The following CNTN4 variants were observed in gnomAD, a reference collection of about 807,000 sequenced individuals.
The protein encoded by CNTN4 is contactin-4.
CNTN4 carries 77 observed loss-of-function variants against 122.5 expected under a neutral mutation model. That is an observed-to-expected ratio of 0.63 (90% CI 0.52 to 0.76). The LOEUF (loss-of-function observed/expected upper bound fraction) is 0.76, where lower values mean the gene tolerates loss of function less well. Ranked by LOEUF, CNTN4 falls within the 30% of genes least tolerant of loss-of-function variation. CNTN4 has a pLI of 0.00. For missense variants in CNTN4, 1,256 were observed against 1,259.1 expected (o/e 1.00, Z 0.04); for synonymous variants, 512 against 447.0 (o/e 1.15, Z -1.83).
At chr3:2,911,213 G>T (rs1559652577) in intron 12 of CNTN4, among the ~76,000 whole-genome samples, 2 of 152,086 alleles carry the variant, frequency 1.3e-5, no homozygotes, top group Admixed American at 6.6e-5. Context: ...TATCAACATG[G>T]CTTGGTCTGG....
chr3:2,262,326 A>G (rs1279824844), intron 2 of CNTN4: 4 of 151,656 alleles, frequency 2.6e-5, no homozygotes, highest in African/African-American at 7.3e-5. Context: ...ATTTTTTTTC[A>G]TATTCTTTCT....
At chr3:2,307,434 CA>C (rs61558669) in intron 2 of CNTN4, among the ~76,000 whole-genome samples, 1,480 of 124,484 alleles carry the variant, frequency 0.012, 7 homozygotes, top group Middle Eastern at 0.029. Context: ...GACTCCATCT[CA>C]AAAAAAAAAA....
intron 14 of CNTN4, among the ~76,000 whole-genome samples, chr3:3,001,391 T>C (rs1696028672): frequency 6.6e-6 from 1 of 150,588 alleles, no homozygotes; most frequent in African/African-American, 2.5e-5. Flanking sequence ...GGATAAGGAG[T>C]GAGTAAGAGG....
At chr3:2,294,414 C>T (rs981632691) in intron 2 of CNTN4, among the ~76,000 whole-genome samples, 10 of 151,626 alleles carry the variant, frequency 6.6e-5, no homozygotes, top group Non-Finnish European at 8.8e-5. Context: ...GTGGATCACT[C>T]GAGCTGTGAA....
At chr3:2,449,635 T>G (rs1428976953) in intron 3 of CNTN4, among the ~76,000 whole-genome samples, 1 of 138,846 alleles carries the variant, frequency 7.2e-6, no homozygotes, top group Non-Finnish European at 1.6e-5. Flanking sequence ...AAAAAAAAAA[T>G]GCAGACTGCT....
intron 4 of CNTN4, among the ~76,000 whole-genome samples, chr3:2,687,994 A>G (rs1005808589): frequency 1.3e-5 from 2 of 152,190 alleles, no homozygotes; most frequent in African/African-American, 2.4e-5. Flanking sequence ...AGCTATTAAC[A>G]TAGGTACTGA....
chr3:2,851,331 C>G (rs562541470), intron 7 of CNTN4, among the ~76,000 whole-genome samples: 1 of 152,226 alleles, frequency 6.6e-6, no homozygotes, highest in Admixed American at 6.5e-5. Flanking sequence ...TCTCCAGGCA[C>G]TCTCCTCTCC....
intron 4 of CNTN4, among the ~76,000 whole-genome samples, chr3:2,654,445 A>G (rs1054769296): frequency 2.0e-5 from 3 of 152,206 alleles, no homozygotes; most frequent in African/African-American, 7.2e-5. Flanking sequence ...GAGTTTAATT[A>G]TGTGCTTTGT....
At position 2,841,993 on chromosome 3, in the gene CNTN4, C is replaced by A. The variant is rs903842060; in HGVS notation, c.454+22412C>A. On this transcript the variant is annotated intron_variant, in intron 7 of 24. Coordinates refer to ENST00000418658, the MANE Select transcript of CNTN4 (RefSeq NM_175607.3). This position sits in a 1 kb window ranked among gnomAD's most constrained non-coding sequence, Gnocchi z 4.8. ...ATAAATAAATAAATGAAGCTAGCTG[C>A]CCCCATTTTTTTCAAGAACATGTTA... Among the ~76,000 whole-genome samples the A allele has an allele frequency of 8.6e-5, 13 of 151,826 alleles. No individual in the cohort carries two copies. The highest frequency in any genetic ancestry group is 2.7e-4 in the African/African-American group (11 of 41,356).
chr3:2,761,604 G>T (rs905658089), intron 6 of CNTN4, among the ~76,000 whole-genome samples: 2 of 152,030 alleles, frequency 1.3e-5, no homozygotes, highest in African/African-American at 4.8e-5. Flanking sequence ...GTATAGTTTT[G>T]TCTGGCTCTC....
chr3:2,777,346 A>G (rs555323564), intron 6 of CNTN4, among the ~76,000 whole-genome samples: 11 of 152,322 alleles, frequency 7.2e-5, no homozygotes, highest in African/African-American at 1.9e-4. Context: ...GAAAACAATG[A>G]GAGTTACTCT....
chr3:2,201,577 A>T (rs540084229), intron 2 of CNTN4, among the ~76,000 whole-genome samples: 1 of 152,126 alleles, frequency 6.6e-6, no homozygotes, highest in Non-Finnish European at 1.5e-5. Context: ...AAAAATAACC[A>T]GTTCTGAAAA....
intron 5 of CNTN4, among the ~76,000 whole-genome samples, chr3:2,742,846 G>C (rs1488959166): frequency 1.3e-5 from 2 of 152,188 alleles, no homozygotes; most frequent in Non-Finnish European, 2.9e-5. Flanking sequence ...TATACAGTGA[G>C]ATAAGAAATT....
intron 2 of CNTN4, among the ~76,000 whole-genome samples, chr3:2,177,460 C>A (rs529338594): frequency 1.5e-4 from 23 of 152,224 alleles, no homozygotes; most frequent in Non-Finnish European, 2.6e-4. Context: ...CACCACACTT[C>A]TTGAGGCTGC....
intron 3 of CNTN4, among the ~76,000 whole-genome samples, chr3:2,379,985 A>G (rs1190659101): frequency 6.7e-6 from 1 of 149,580 alleles, no homozygotes; most frequent in African/African-American, 2.5e-5. Context: ...TGAACCCAGG[A>G]GATGGAGGTT....
chr3:2,802,673 C>G (rs766494119), intron 6 of CNTN4, among the ~76,000 whole-genome samples: 3 of 152,126 alleles, frequency 2.0e-5, no homozygotes, highest in Non-Finnish European at 4.4e-5. Context: ...AAACCTAACC[C>G]TGTATTTCCC....
chr3:2,760,323 C>T (rs896059868), intron 6 of CNTN4, among the ~76,000 whole-genome samples: 1 of 152,270 alleles, frequency 6.6e-6, no homozygotes, highest in African/African-American at 2.4e-5. Flanking sequence ...AAATTTAGCT[C>T]TATCACCCAT....
At chr3:2,724,334 A>G (rs534409554) in intron 4 of CNTN4, among the ~76,000 whole-genome samples, 4 of 152,304 alleles carry the variant, frequency 2.6e-5, no homozygotes, top group Admixed American at 6.5e-5. Context: ...TACCTGCCAT[A>G]AACTTTATCT....
intron 2 of CNTN4, among the ~76,000 whole-genome samples, chr3:2,169,529 C>T (rs908866429): frequency 1.3e-5 from 2 of 149,620 alleles, no homozygotes; most frequent in Non-Finnish European, 3.0e-5. Context: ...GCCTCAGCCT[C>T]CCGAGTAGCT....
Sources: gnomAD v4.1 joint callset for allele counts (sites outside exome capture counted in the v4.1 genomes callset) on GRCh38, gnomAD v4.1.1 for gene constraint, Gnocchi (gnomAD v3.1) non-coding constraint, MANE v1.5 for transcripts, NCBI Gene and HGNC (gene_info 2026-07-23, HGNC 2026-07-21) for gene names.